Variants in BTBD9 observed in about 807,000 individuals in gnomAD.
BTBD9 encodes the protein BTB/POZ domain-containing protein 9.
In BTBD9, 49 loss-of-function variants were observed where a neutral mutation model predicts 64.3. The ratio of observed to expected loss-of-function variants is 0.76; its 90% CI spans 0.61 to 0.97. The LOEUF (loss-of-function observed/expected upper bound fraction) is 0.97, where lower values mean the gene tolerates loss of function less well. BTBD9 is among the 50% of genes least tolerant of loss of function. BTBD9 has a pLI of 0.00. For missense variants in BTBD9, 598 were observed against 762.1 expected (o/e 0.78, Z 2.53); for synonymous variants, 260 against 274.7 (o/e 0.95, Z 0.53).
At chr6:38,374,283 G>GTATA (rs57568036) in intron 6 of BTBD9, among the ~76,000 whole-genome samples, 555 of 45,356 alleles carry the variant, frequency 0.012, 35 homozygotes, top group African/African-American at 0.073. Flanking sequence ...AAAAAAAAAA[G>GTATA]TATATATATA....
intron 6 of BTBD9, among the ~76,000 whole-genome samples, chr6:38,362,583 G>A (rs562118716): frequency 1.1e-4 from 17 of 152,136 alleles, no homozygotes; most frequent in Non-Finnish European, 1.9e-4. Context: ...TTTTCCCAGT[G>A]GTATAGAGTA....
chr6:38,466,213 T>A (rs1039205260), intron 6 of BTBD9, among the ~76,000 whole-genome samples: 1 of 151,704 alleles, frequency 6.6e-6, no homozygotes, highest in Non-Finnish European at 1.5e-5. Flanking sequence ...TCTTTTAATA[T>A]CTATGGAATC....
At chr6:38,411,722 G>A (rs1767434579) in intron 6 of BTBD9, among the ~76,000 whole-genome samples, 1 of 152,108 alleles carries the variant, frequency 6.6e-6, no homozygotes, top group Admixed American at 6.6e-5. Context: ...GATTACTTGA[G>A]CTGAGGAGTT....
At chr6:38,484,894 T>C (rs1235296296) in intron 6 of BTBD9, among the ~76,000 whole-genome samples, 1 of 152,210 alleles carries the variant, frequency 6.6e-6, no homozygotes, top group African/African-American at 2.4e-5. Context: ...GGGGTGGCTG[T>C]GACAATTTCT....
intron 6 of BTBD9, among the ~76,000 whole-genome samples, chr6:38,382,516 CAA>C (rs35186359): frequency 2.2e-4 from 13 of 60,232 alleles, no homozygotes; most frequent in Admixed American, 6.2e-4. Flanking sequence ...GACCTTGTCT[CAA>C]AAAAAAAAAA....
At chr6:38,470,068 A>G (rs910573491) in intron 6 of BTBD9, among the ~76,000 whole-genome samples, 1 of 152,250 alleles carries the variant, frequency 6.6e-6, no homozygotes, top group African/African-American at 2.4e-5. Context: ...TCCAAAGAGA[A>G]AACAGAGAAA....
At chr6:38,501,886 G>A (rs528474027) in intron 6 of BTBD9, among the ~76,000 whole-genome samples, 7 of 152,270 alleles carry the variant, frequency 4.6e-5, no homozygotes, top group East Asian at 1.9e-4. Context: ...ATATTGACAT[G>A]TAATGGGTTT....
At chr6:38,206,694 G>T (rs1762666680) in intron 9 of BTBD9, among the ~76,000 whole-genome samples, 1 of 152,228 alleles carries the variant, frequency 6.6e-6, no homozygotes, top group South Asian at 2.1e-4. Flanking sequence ...ACAGGAGGAT[G>T]AAGCAGACAG....
At chr6:38,336,624 T>A (rs1453779972) in intron 7 of BTBD9, among the ~76,000 whole-genome samples, 1 of 152,110 alleles carries the variant, frequency 6.6e-6, no homozygotes, top group Non-Finnish European at 1.5e-5. Context: ...CATGTGGGAT[T>A]ATGGGAACTA....
intron 7 of BTBD9, among the ~76,000 whole-genome samples, chr6:38,315,571 T>C (rs1465525538): frequency 6.6e-6 from 1 of 152,190 alleles, no homozygotes; most frequent in Non-Finnish European, 1.5e-5. Context: ...CTTGACCCAC[T>C]GGTCATTCAG....
intron 9 of BTBD9, among the ~76,000 whole-genome samples, chr6:38,245,262 T>A (rs1432277573): frequency 6.6e-6 from 1 of 152,106 alleles, no homozygotes; most frequent in Non-Finnish European, 1.5e-5. Flanking sequence ...ACAAGGGCTG[T>A]GAAAAAAAGT....
At chr6:38,213,549 C>T in intron 9 of BTBD9, among the ~76,000 whole-genome samples, 1 of 152,146 alleles carries the variant, frequency 6.6e-6, no homozygotes, top group Admixed American at 6.5e-5. Flanking sequence ...CCGGGATCTG[C>T]ATTAACTGTC....
At chr6:38,502,312 G>A (rs1044195998) in intron 6 of BTBD9, among the ~76,000 whole-genome samples, 5 of 152,292 alleles carry the variant, frequency 3.3e-5, no homozygotes, top group Admixed American at 6.5e-5. Flanking sequence ...TGCTACCCAC[G>A]AAACAATATG....
intron 8 of BTBD9, among the ~76,000 whole-genome samples, chr6:38,277,587 G>A (rs1460896803): frequency 6.6e-6 from 1 of 152,132 alleles, no homozygotes; most frequent in African/African-American, 2.4e-5. Context: ...GCCTGCCTTG[G>A]CCTTCCAAAG....
chr6:38,295,782 A>T lies in BTBD9; in HGVS notation c.1265-7321T>A, dbSNP rs1032359001. ...ATTCTGAGGCTGGATATGGTGGCTC[A>T]TGCCTGTAATAATCCCAGCTCTTTG... On this transcript the variant is annotated intron_variant, in intron 7 of 10. Coordinates refer to ENST00000481247, the MANE Select transcript of BTBD9 (RefSeq NM_001099272.2). 1.1e-3 allele frequency among the ~76,000 whole-genome samples: 160 copies of T among 152,288 alleles called. 1 individual carries two copies. Among genetic ancestry groups the T allele is most frequent in the African/African-American group, 3.7e-3 (153 of 41,568 alleles).
Position 38,597,699 on chromosome 6 carries a change from C to T in BTBD9, c.185+211G>A, listed in dbSNP as rs186575858. On this transcript the variant is annotated intron_variant, in intron 2 of 10. Transcript: ENST00000481247. ...TTGGGCACTATTTGGTCTGGGAATC[C>T]TTCTAACCCTTTAATTTTAAGGTGG... is the stretch of plus-strand genomic sequence containing the variant. Among the ~76,000 whole-genome samples, 11 of 152,238 alleles carry T rather than the reference C, an allele frequency of 7.2e-5. No homozygotes were observed. The East Asian group carries it at 2.1e-3, about 29-fold the overall frequency.
At chr6:38,235,228 G>T (rs960889710) in intron 9 of BTBD9, among the ~76,000 whole-genome samples, 8 of 152,206 alleles carry the variant, frequency 5.3e-5, no homozygotes, top group Non-Finnish European at 8.8e-5. Context: ...TTGATAAAAA[G>T]GGGTTGAATG....
chr6:38,194,668 G>A (rs1762213324), intron 9 of BTBD9, among the ~76,000 whole-genome samples: 1 of 152,150 alleles, frequency 6.6e-6, no homozygotes, highest in African/African-American at 2.4e-5. Context: ...CCTCCAAGAT[G>A]TAGAGGAGGT....
chr6:38,382,591 T>C (rs1435844620), intron 6 of BTBD9, among the ~76,000 whole-genome samples: 1 of 127,736 alleles, frequency 7.8e-6, no homozygotes, highest in African/African-American at 3.0e-5. Flanking sequence ...GAGCAAAAAA[T>C]AATGAAACAA....
Sources: gnomAD v4.1 joint callset for allele counts (sites outside exome capture counted in the v4.1 genomes callset) on GRCh38, gnomAD v4.1.1 for gene constraint, MANE v1.5 for transcripts, NCBI Gene and HGNC (gene_info 2026-07-23, HGNC 2026-07-21) for gene names.